The following PSD3 variants were observed in gnomAD, a reference collection of about 807,000 sequenced individuals.
PSD3 encodes the protein pleckstrin and Sec7 domain containing 3, also known as PH and SEC7 domain-containing protein 3.
PSD3 carries 49 observed loss-of-function variants against 105.5 expected under a neutral mutation model. The ratio of observed to expected loss-of-function variants is 0.46; its 90% CI spans 0.37 to 0.59. PSD3 has a LOEUF of 0.59. Ranked by LOEUF, PSD3 falls within the 20% of genes least tolerant of loss-of-function variation. The pLI, the probability that PSD3 is intolerant of heterozygous loss-of-function variation, is 0.00. For synonymous variants in PSD3, 557 were observed against 457.8 expected (o/e 1.22, Z -2.77); for missense variants, 1,561 against 1,263.8 (o/e 1.24, Z -3.57).
intron 9 of PSD3, among the ~76,000 whole-genome samples, chr8:18,752,567 ATATATATAAT>A (rs1563225523): frequency 3.2e-4 from 25 of 78,710 alleles, no homozygotes; most frequent in African/African-American, 2.0e-3. Flanking sequence ...TATATATATT[ATATATATAAT>A]TATATATATT....
intron 2 of PSD3, among the ~76,000 whole-genome samples, chr8:18,904,962 T>C (rs1042037883): frequency 6.6e-6 from 1 of 152,212 alleles, no homozygotes; most frequent in Non-Finnish European, 1.5e-5. Context: ...CCCCACCTTA[T>C]TTCCCTACTG....
chr8:18,560,033 A>G (rs1801302244), intron 14 of PSD3, among the ~76,000 whole-genome samples: 1 of 152,214 alleles, frequency 6.6e-6, no homozygotes, highest in Non-Finnish European at 1.5e-5. Flanking sequence ...TAAGCTCAAA[A>G]TAAAGCATTT....
chr8:18,564,396 A>G (rs148928626), intron 14 of PSD3, among the ~76,000 whole-genome samples: 9,359 of 152,176 alleles, frequency 0.062, 365 homozygotes, highest in African/African-American at 0.12. Flanking sequence ...TGGGAGGCCG[A>G]TGCGGGCGGA....
intron 1 of PSD3, among the ~76,000 whole-genome samples, chr8:18,984,059 T>C (rs1283540568): frequency 1.4e-5 from 2 of 146,030 alleles, no homozygotes; most frequent in African/African-American, 5.0e-5. Context: ...ACAATAGGTA[T>C]AATAATAATA....
At chr8:18,725,567 G>C (rs952498941) in intron 9 of PSD3, among the ~76,000 whole-genome samples, 1 of 152,088 alleles carries the variant, frequency 6.6e-6, no homozygotes, top group East Asian at 1.9e-4. Flanking sequence ...CCCCTCTTTT[G>C]AGAGACGGGG....
chr8:19,008,710 G>A (rs7009185), intron 1 of PSD3, among the ~76,000 whole-genome samples: 13,985 of 152,190 alleles, frequency 0.092, 681 homozygotes, highest in African/African-American at 0.12. Context: ...CTTGTCCACA[G>A]ACCAAACAGG....
intron 2 of PSD3, among the ~76,000 whole-genome samples, chr8:18,917,708 G>A (rs1272498980): frequency 6.6e-6 from 1 of 151,340 alleles, no homozygotes; most frequent in Admixed American, 6.6e-5. Context: ...CCCCAACCCT[G>A]CCCCTTGCAT....
chr8:18,641,226 C>G (rs764814351), intron 10 of PSD3, among the ~76,000 whole-genome samples: 53 of 152,244 alleles, frequency 3.5e-4, no homozygotes, highest in Non-Finnish European at 6.6e-4. Context: ...ACCTTACAAC[C>G]AGCCTAGAAG....
chr8:19,053,953 G>A (rs1455598286), intron 1 of PSD3, among the ~76,000 whole-genome samples: 2 of 152,228 alleles, frequency 1.3e-5, no homozygotes, highest in Non-Finnish European at 2.9e-5. Flanking sequence ...TTACTTGGTT[G>A]GCTTTCACCT....
chr8:18,777,274 CTCCTGA>C (rs369482725), intron 8 of PSD3, among the ~76,000 whole-genome samples: 50 of 152,304 alleles, frequency 3.3e-4, no homozygotes, highest in Middle Eastern at 3.4e-3. Context: ...ATCTCCTGAC[CTCCTGA>C]TCCACCCACC....
intron 11 of PSD3, among the ~76,000 whole-genome samples, chr8:18,612,965 A>T (rs192386163): frequency 6.6e-6 from 1 of 152,260 alleles, no homozygotes; most frequent in Admixed American, 6.5e-5. Context: ...GGCAGCCATT[A>T]CTAGACGTGC....
At chr8:18,554,547 T>G (rs1361511424) in intron 15 of PSD3, among the ~76,000 whole-genome samples, 1 of 152,154 alleles carries the variant, frequency 6.6e-6, no homozygotes, top group East Asian at 1.9e-4. Flanking sequence ...CATGGAACTG[T>G]AGTGGAAGTG....
intron 8 of PSD3, among the ~76,000 whole-genome samples, chr8:18,774,211 T>C (rs1319545017): frequency 2.0e-5 from 3 of 152,222 alleles, no homozygotes; most frequent in African/African-American, 7.2e-5. Flanking sequence ...CAAAATATTT[T>C]ATTATGCTAC....
intron 1 of PSD3, among the ~76,000 whole-genome samples, chr8:18,942,368 C>G (rs527634068): frequency 6.6e-6 from 1 of 152,290 alleles, no homozygotes; most frequent in South Asian, 2.1e-4. Context: ...CATTGCCCAG[C>G]AGAAGCCAGG....
At position 18,872,713 on chromosome 8, in the gene PSD3, A is replaced by C; in HGVS notation, c.151T>G (p.Leu51Val). Residue 51 changes from leucine (L) to valine (V), a missense_variant, in exon 3 of 16, where the codon TTA (leucine) becomes GTA (valine). Transcript: ENST00000327040. Reference protein sequence around the residue: ...PDTSDHGGSTLLPPNVTNEFP... With the variant: ...PDTSDHGGSTVLPPNVTNEFP... The stretch of plus-strand genomic sequence containing the variant: ...TCATTTGTGACATTTGGTGGGAGTA[A>C]AGTGCTTCCTCCATGATCACCTGTG... 1 of 1,567,302 alleles carries C rather than the reference A, an allele frequency of 6.4e-7. No individual in the cohort carries two copies. Among genetic ancestry groups the C allele is most frequent in the East Asian group, 2.2e-5 (1 of 44,584 alleles).
At chr8:18,764,965 A>G (rs1029511144) in intron 9 of PSD3, among the ~76,000 whole-genome samples, 1 of 152,234 alleles carries the variant, frequency 6.6e-6, no homozygotes, top group Non-Finnish European at 1.5e-5. Flanking sequence ...GATGTTACCA[A>G]TAATAAAGCC....
At chr8:18,714,080 G>C (rs1802424138) in intron 9 of PSD3, among the ~76,000 whole-genome samples, 1 of 152,148 alleles carries the variant, frequency 6.6e-6, no homozygotes, top group South Asian at 2.1e-4. Context: ...CTAGCCATAT[G>C]CATAAAATTG....
In PSD3 at chr8:18,801,964, T is replaced by TA. The variant is rs1810736261; in HGVS notation, c.1911-583_1911-582insT. The stretch of plus-strand genomic sequence containing the variant: ...AGTAGCCAATTTTAAAAGGTCAGAT[T>TA]TAAAAAAAACAAAGACCGCTTAAGA... On this transcript the variant is annotated intron_variant, in intron 6 of 15. Transcript: ENST00000327040. Among the ~76,000 whole-genome samples, 11 of 151,346 alleles carry TA rather than the reference T, an allele frequency of 7.3e-5. 1 individual carries two copies. Among genetic ancestry groups the TA allele is most frequent in the South Asian group, 4.2e-4 (2 of 4,776 alleles).
chr8:18,834,708 G>T (rs941668142), intron 4 of PSD3, among the ~76,000 whole-genome samples: 1 of 152,168 alleles, frequency 6.6e-6, no homozygotes, highest in Non-Finnish European at 1.5e-5. Flanking sequence ...GTAGAATGAA[G>T]AGTTATATAG....
Sources: allele counts gnomAD v4.1 joint callset (sites outside exome capture counted in the v4.1 genomes callset), GRCh38; gene constraint gnomAD v4.1.1; transcripts MANE v1.5; gene names NCBI Gene and HGNC (gene_info 2026-07-23, HGNC 2026-07-21).